ADAM10: variants seen among roughly 807,000 people sequenced by gnomAD.
ADAM10 encodes the protein disintegrin and metalloproteinase domain-containing protein 10.
Under a neutral mutation model 90.1 loss-of-function variants are expected in ADAM10, and 17 were observed. The ratio of observed to expected loss-of-function variants is 0.19; its 90% CI spans 0.13 to 0.28. The LOEUF is 0.28. Among genes scored for constraint, ADAM10 ranks in the 10% least tolerant of loss-of-function variants. ADAM10 has a pLI of 1.00. For missense variants in ADAM10, 610 were observed against 914.3 expected, an observed-to-expected ratio of 0.67 and a Z score of 4.29; for synonymous variants, 310 against 298.6, an observed-to-expected ratio of 1.04 and a Z score of -0.40.
At chr15:58,600,832 G>T (rs1025360203) in intron 14 of ADAM10, among the ~76,000 whole-genome samples, 1 of 151,962 alleles carries the variant, frequency 6.6e-6, no homozygotes, top group Non-Finnish European at 1.5e-5. Flanking sequence ...TTTAACACAG[G>T]TTACTGTAAC....
chr15:58,648,435 A>G (rs554865080), intron 5 of ADAM10, among the ~76,000 whole-genome samples: 56 of 152,188 alleles, frequency 3.7e-4, no homozygotes, highest in Non-Finnish European at 6.9e-4. Context: ...CCACACAAAA[A>G]GGAATTTATC....
At chr15:58,651,906 G>A (rs1035385101) in intron 5 of ADAM10, among the ~76,000 whole-genome samples, 4 of 152,046 alleles carry the variant, frequency 2.6e-5, no homozygotes, top group Non-Finnish European at 5.9e-5. Context: ...CCTCACCAGC[G>A]TTTGTTATTG....
At chr15:58,633,100 A>G in intron 9 of ADAM10, 96 bp downstream of exon 9, 1 of 1,192,150 alleles carries the variant, frequency 8.4e-7, no homozygotes. Flanking sequence ...AACACTCGTA[A>G]GTACATTTGT....
At position 58,665,212 on chromosome 15, in the gene ADAM10, A is replaced by G; in HGVS notation, c.485-15T>C. The G allele has an allele frequency of 6.5e-7, 1 of 1,550,336 alleles. No individual in the cohort carries two copies. Among genetic ancestry groups the G allele is most frequent in the East Asian group, 2.2e-5 (1 of 44,526 alleles). On this transcript the variant is annotated splice_polypyrimidine_tract_variant and intron_variant, in intron 4 of 15. Coordinates refer to ENST00000260408, the MANE Select transcript of ADAM10 (RefSeq NM_001110.4). Reference sequence around the variant, plus strand: ...ATGGGGATAGTCTAAAATACAAAGAAGAAACGTCATTACTATCACACATTT... The same window carrying G: ...ATGGGGATAGTCTAAAATACAAAGAGGAAACGTCATTACTATCACACATTT...
Position 58,597,359 on chromosome 15 carries a change from C to T in ADAM10, c.*188G>A. The T allele has an allele frequency of 6.5e-7, 1 of 1,541,068 alleles. No individual in the cohort carries two copies. The highest frequency in any genetic ancestry group is 8.7e-7 in the Non-Finnish European group (1 of 1,143,000). Reference sequence around the variant, plus strand: ...TGGGTTCCTTTTCCACCTCCCACCCCCAAATTGGAATTTTCAGGCTTTAAA... The same window carrying T: ...TGGGTTCCTTTTCCACCTCCCACCCTCAAATTGGAATTTTCAGGCTTTAAA... On this transcript the variant is annotated 3_prime_UTR_variant, in exon 16 of 16. Coordinates refer to ENST00000260408, the MANE Select transcript of ADAM10 (RefSeq NM_001110.4).
intron 2 of ADAM10, chr15:58,691,661 A>G: frequency 2.8e-6 from 1 of 360,230 alleles, no homozygotes; most frequent in Non-Finnish European, 5.3e-6. Flanking sequence ...AGCTAAGCTC[A>G]AGCCACTTCT....
chr15:58,696,890 C>G (rs569081619), intron 2 of ADAM10, among the ~76,000 whole-genome samples: 2 of 152,144 alleles, frequency 1.3e-5, no homozygotes, highest in South Asian at 2.1e-4. Flanking sequence ...GAGCACAGCA[C>G]GTTTTGAGAG....
At chr15:58,605,594 C>T (rs748543688) in intron 14 of ADAM10, among the ~76,000 whole-genome samples, 1 of 152,086 alleles carries the variant, frequency 6.6e-6, no homozygotes, top group Admixed American at 6.5e-5. Context: ...AAATTGCCCA[C>T]CTGTTAGTCT....
rs35772938 is a variant in ADAM10 at position 58,599,750 on chromosome 15, GAA to G, written c.2026-28_2026-27del. ...CTAGAAATAAACAGATTTTTCCACT[GAA>G]AAAAAAAAAACTACAAAATATTTTA... is the stretch of plus-strand genomic sequence containing the variant. On this transcript the variant is annotated intron_variant, in intron 14 of 15. Coordinates refer to ENST00000260408, the MANE Select transcript of ADAM10 (RefSeq NM_001110.4). 1,279 of 1,426,196 alleles carry G rather than the reference GAA, an allele frequency of 9.0e-4. 3 individuals carry two copies. Among genetic ancestry groups the G allele is most frequent in the African/African-American group, 8.0e-3 (528 of 66,392 alleles). 88.3% of individuals were successfully genotyped at this position (1,426,196 alleles called of 1,614,324 possible).
rs987363841 is a variant in ADAM10 at position 58,673,522 on chromosome 15, T to C, written c.484+5602A>G. 5.3e-5 allele frequency among the ~76,000 whole-genome samples: 8 copies of C among 151,848 alleles called. No homozygotes were observed. The South Asian group carries it at 1.0e-3, about 20-fold the overall frequency. On this transcript the variant is annotated intron_variant, in intron 4 of 15. Transcript: ENST00000260408. ...TTATAGCTAAAATATTTTATATTGA[T>C]GTTTTAAGATAAATATATATGAATA...
At chr15:58,699,022 AAG>A in intron 2 of ADAM10, among the ~76,000 whole-genome samples, 1 of 152,348 alleles carries the variant, frequency 6.6e-6, no homozygotes, top group African/African-American at 2.4e-5. Context: ...GTCAAAGACA[AAG>A]AGAGAATTCT....
intron 1 of ADAM10, among the ~76,000 whole-genome samples, chr15:58,736,041 T>C (rs1474543301): frequency 2.0e-5 from 3 of 152,134 alleles, no homozygotes; most frequent in African/African-American, 7.2e-5. Flanking sequence ...CTAAGGACAG[T>C]TTCTAGGTAA....
At chr15:58,653,294 C>T (rs911616320) in intron 5 of ADAM10, among the ~76,000 whole-genome samples, 1 of 152,030 alleles carries the variant, frequency 6.6e-6, no homozygotes, top group South Asian at 2.1e-4. Flanking sequence ...TCTTGTGTTC[C>T]CAATCTTAGA....
chr15:58,726,725 T>A (rs1160403721), intron 1 of ADAM10, among the ~76,000 whole-genome samples: 6 of 151,608 alleles, frequency 4.0e-5, no homozygotes, highest in African/African-American at 1.5e-4. Flanking sequence ...TCCAGCTGAG[T>A]ACATTAGTGT....
intron 5 of ADAM10, among the ~76,000 whole-genome samples, chr15:58,660,429 T>A (rs1169653995): frequency 4.6e-5 from 7 of 152,074 alleles, no homozygotes; most frequent in Non-Finnish European, 8.8e-5. Flanking sequence ...CTTTTTTTTT[T>A]AATCACTCTA....
chr15:58,691,226 G>C (rs7161889), intron 2 of ADAM10: 362,827 of 856,660 alleles, frequency 0.42, 87,983 homozygotes, highest in East Asian at 0.87. Context: ...CAAACTTTAC[G>C]TTGCTCTCCT....
intron 5 of ADAM10, among the ~76,000 whole-genome samples, chr15:58,652,192 G>A (rs1396141151): frequency 1.3e-5 from 2 of 151,954 alleles, no homozygotes; most frequent in African/African-American, 4.8e-5. Context: ...CCCATTCTAT[G>A]GGTTGTCTCC....
Position 58,682,678 on chromosome 15 carries a change from G to C in ADAM10, c.207-364C>G, listed in dbSNP as rs1897472964. ...TACCACTGCCTGTCTTCTCTCTCTA[G>C]TAATTCTGCTATTTTGCTATTCTCC... On this transcript the variant is annotated intron_variant, in intron 2 of 15. Transcript: ENST00000260408. 2.0e-5 allele frequency among the ~76,000 whole-genome samples: 3 copies of C among 152,196 alleles called. No homozygotes were observed. In the South Asian group the frequency reaches 6.2e-4, roughly 32 times the overall value.
At chr15:58,686,506 C>T (rs1334604118) in intron 2 of ADAM10, 15 of 1,423,352 alleles carry the variant, frequency 1.1e-5, no homozygotes, top group Admixed American at 5.6e-5. Context: ...CTCAGGCAGC[C>T]GCAGAGCTTC....
Sources: gnomAD v4.1 joint callset for allele counts (sites outside exome capture counted in the v4.1 genomes callset) on GRCh38, gnomAD v4.1.1 for gene constraint, MANE v1.5 for transcripts, NCBI Gene and HGNC (gene_info 2026-07-23, HGNC 2026-07-21) for gene names.